Variants in PTCH1 observed in about 807,000 individuals in gnomAD.
PTCH1 encodes protein patched homolog 1.
PTCH1 carries 14 observed loss-of-function variants against 144.6 expected under a neutral mutation model. The ratio of observed to expected loss-of-function variants is 0.10; its 90% CI spans 0.06 to 0.15. The LOEUF is 0.15. Ranked by LOEUF, PTCH1 falls within the 10% of genes least tolerant of loss-of-function variation. The probability of loss-of-function intolerance (pLI) is 1.00; values close to 1 mark genes in which losing one functional copy is unlikely to be tolerated. For missense variants in PTCH1, 1,623 were observed against 1,948.3 expected (o/e 0.83, Z 3.14); for synonymous variants, 833 against 793.6 (o/e 1.05, Z -0.83).
chr9:95,453,972 C>T (rs113798543), intron 19 of PTCH1, among the ~76,000 whole-genome samples: 8 of 152,314 alleles, frequency 5.3e-5, no homozygotes, highest in African/African-American at 1.9e-4. Flanking sequence ...TCCCACAGCA[C>T]AGGATTCTGG....
At chr9:95,486,550 G>C (rs1172525671) in intron 2 of PTCH1, among the ~76,000 whole-genome samples, 2 of 152,246 alleles carry the variant, frequency 1.3e-5, no homozygotes, top group African/African-American at 4.8e-5. Flanking sequence ...AGTCAGCTGG[G>C]GGTGAGCAGC....
In PTCH1 at chr9:95,458,134, A is replaced by G; in HGVS notation, c.3047T>C (p.Leu1016Pro). 1 of 1,614,236 alleles carries G rather than the reference A, an allele frequency of 6.2e-7. No homozygotes were observed. The highest frequency in any genetic ancestry group is 8.5e-7 in the Non-Finnish European group (1 of 1,180,046). ...GAGGCCGATGTACTGCTCCCAGAAG[A>G]GGAAGGGGTAGCCGTTGGGGTAACT... The part of the protein sequence containing the change: ...LSSYPNGYPF[L>P]FWEQYIGLRH... Residue 1016 changes from leucine to proline, a missense_variant, in exon 18 of 24, where the codon CTC becomes CCC. Transcript: ENST00000331920. This position sits in a 1 kb window ranked among gnomAD's most constrained non-coding sequence, Gnocchi z 4.7.
chr9:95,492,095 A>C (rs1842445399), intron 2 of PTCH1, among the ~76,000 whole-genome samples: 2 of 152,202 alleles, frequency 1.3e-5, no homozygotes, highest in South Asian at 2.1e-4. Flanking sequence ...CCTCGCCCCT[A>C]CACAACCCAC....
chr9:95,452,481 A>G (rs1237496515), intron 20 of PTCH1: 1 of 152,214 alleles, frequency 6.6e-6, no homozygotes, highest in Non-Finnish European at 1.5e-5. Context: ...AGCTCCATAA[A>G]GTAGCAGAGT....
In PTCH1 at chr9:95,508,548, G is replaced by A; in HGVS notation, c.-187C>T. ...CGCTGCTGCTGCTCACACGGCGGGCGCTGCTGCCGCTGCGGCCGCGGCCGC... is the reference window on the plus strand; with the variant it reads ...CGCTGCTGCTGCTCACACGGCGGGCACTGCTGCCGCTGCGGCCGCGGCCGC... On this transcript the variant is annotated 5_prime_UTR_variant, in exon 1 of 24. Coordinates refer to ENST00000331920, the MANE Select transcript of PTCH1 (RefSeq NM_000264.5). 6 of 1,007,334 alleles carry A rather than the reference G, an allele frequency of 6.0e-6. No individual in the cohort carries two copies. The highest frequency in any genetic ancestry group is 7.1e-6 in the Non-Finnish European group (6 of 844,352). The allele number at this position is 1,007,334 out of a possible 1,614,324, so 62.4% of individuals were successfully genotyped here.
chr9:95,488,173 G>T (rs1842114215), intron 2 of PTCH1, among the ~76,000 whole-genome samples: 1 of 152,222 alleles, frequency 6.6e-6, no homozygotes, highest in African/African-American at 2.4e-5. Context: ...GATATAAAAT[G>T]TACCTCAGGG....
chr9:95,484,194 A>C (rs1564060956), intron 3 of PTCH1: 1 of 152,234 alleles, frequency 6.6e-6, no homozygotes, highest in Non-Finnish European at 1.5e-5. Context: ...CCCCAGGACA[A>C]CCTGGCTCCC....
At position 95,449,740 on chromosome 9, in the gene PTCH1, CCAG is replaced by C; in HGVS notation, c.3549+98_3549+100del. ...CTCTGAGATGTTTACTGAAGAACCA[CCAG>C]CAAGTGGGGAGGCACCTAAGTATCG... On this transcript the variant is annotated intron_variant, in intron 21 of 23. Transcript: ENST00000331920. This position sits in a 1 kb window ranked among gnomAD's most constrained non-coding sequence, Gnocchi z 5.3. The C allele has an allele frequency of 9.1e-7, 1 of 1,099,258 alleles. No homozygotes were observed. Among genetic ancestry groups the C allele is most frequent in the South Asian group, 1.3e-5 (1 of 76,288 alleles). 68.1% of individuals were successfully genotyped at this position (1,099,258 alleles called of 1,614,324 possible). A position where few individuals can be genotyped will look rare whatever the true frequency, so the allele number is the denominator to read the frequency against.
rs139100790 is a variant in PTCH1, at chr9:95,508,034, TGTGA to T, written c.201+123_201+126del. On this transcript the variant is annotated intron_variant, in intron 1 of 23. Transcript: ENST00000331920. ...TTGTCTGCTGCTTTTCCTGGAGAGG[TGTGA>T]GTGAGTGTGTGTGTGTGTGTGAGAG... 135,601 of 1,519,240 alleles carry T rather than the reference TGTGA, an allele frequency of 0.089. 4,749 individuals are homozygous for T. Among genetic ancestry groups the T allele is most frequent in the African/African-American group, 0.22 (14,788 of 68,202 alleles). 94.1% of individuals were successfully genotyped at this position (1,519,240 alleles called of 1,614,324 possible).
Position 95,458,058 on chromosome 9 carries a change from G to A in PTCH1, c.3123C>T (p.Leu1041=), listed in dbSNP as rs1554691356. 3 of 1,614,172 alleles carry A rather than the reference G, an allele frequency of 1.9e-6. No homozygotes were observed. The highest frequency in any genetic ancestry group is 1.7e-6 in the Non-Finnish European group (2 of 1,180,026). Reference sequence around the variant, plus strand: ...GGTTCAGAAGGAAGACAGCGCACACGAGGAATGTGCAGGCCAACACCACGC... The same window carrying A: ...GGTTCAGAAGGAAGACAGCGCACACAAGGAATGTGCAGGCCAACACCACGC... The part of the protein sequence containing the change: ...FISVVLACTF[L]VCAVFLLNPW... Residue 1041 remains leucine (L), a synonymous_variant, in exon 18 of 24, where the codon CTC becomes CTT. Coordinates refer to ENST00000331920, the MANE Select transcript of PTCH1 (RefSeq NM_000264.5). This position sits in a 1 kb window ranked among gnomAD's most constrained non-coding sequence, Gnocchi z 4.7.
rs771991404 is a variant in PTCH1, at chr9:95,476,019, T to C, written c.1728+15A>G. On this transcript the variant is annotated intron_variant, in intron 12 of 23. Coordinates refer to ENST00000331920, the MANE Select transcript of PTCH1 (RefSeq NM_000264.5). The surrounding 1 kb of genome is among the most constrained non-coding windows in gnomAD (Gnocchi z 4.6). Reference sequence around the variant, plus strand: ...CCGTTCAGGATCACCACAGCCTTCATCACCAGAAGCTCACCTGGAGGGAGA... The same window carrying C: ...CCGTTCAGGATCACCACAGCCTTCACCACCAGAAGCTCACCTGGAGGGAGA... The C allele has an allele frequency of 1.2e-6, 2 of 1,613,222 alleles. No individual in the cohort carries two copies. The highest frequency in any genetic ancestry group is 1.3e-5 in the African/African-American group (1 of 74,892).
At position 95,461,689 on chromosome 9, in the gene PTCH1, C is replaced by T. The variant is rs527668926; in HGVS notation, c.2703+167G>A. On this transcript the variant is annotated intron_variant, in intron 16 of 23. Coordinates refer to ENST00000331920, the MANE Select transcript of PTCH1 (RefSeq NM_000264.5). ...GGCTGGCCTGAGGTCACACAATTAG[C>T]TGGTGGGAGGAGGTGAATTAGAGTC... Among the ~76,000 whole-genome samples the T allele has an allele frequency of 2.0e-5, 3 of 152,332 alleles. No individual in the cohort carries two copies. In the South Asian group the frequency reaches 6.2e-4, roughly 32 times the overall value.
intron 20 of PTCH1, chr9:95,450,710 C>T (rs1265508736): frequency 6.5e-6 from 1 of 152,710 alleles, no homozygotes; most frequent in Non-Finnish European, 1.5e-5. Flanking sequence ...AACAATTTAG[C>T]ATCTCTGAAT....
intron 19 of PTCH1, among the ~76,000 whole-genome samples, chr9:95,455,529 T>C (rs1838835234): frequency 6.6e-6 from 1 of 152,236 alleles, no homozygotes; most frequent in Non-Finnish European, 1.5e-5. Context: ...GTTGTGATGT[T>C]TTGGATAATT....
At chr9:95,500,775 T>C (rs569378817) in intron 2 of PTCH1, among the ~76,000 whole-genome samples, 3 of 152,316 alleles carry the variant, frequency 2.0e-5, no homozygotes, top group Admixed American at 2.0e-4. Flanking sequence ...GTTATTTCAA[T>C]ATGCACAAAG....
rs547930654 is a variant in PTCH1 at position 95,506,597 on chromosome 9, C to A, written c.204G>T (p.Gly68=). 4 of 1,610,944 alleles carry A rather than the reference C, an allele frequency of 2.5e-6. No individual in the cohort carries two copies. Among genetic ancestry groups the A allele is most frequent in the East Asian group, 2.2e-5 (1 of 44,682 alleles). ...AAFALEQISK[G]KATGRKAPLW... ...GCGGCGCTTTCCGGCCAGTAGCCTT[C>A]CCCTGGGGACGAAGCAGAAGGGAGG... The change falls in exon 2 of 24, where the codon GGG becomes GGT. Residue 68 remains glycine (G), a splice_region_variant and synonymous_variant. Transcript: ENST00000331920.
At position 95,449,047 on chromosome 9, in the gene PTCH1, CT is replaced by C. The variant is rs772595364; in HGVS notation, c.3804+21del. 1.9e-6 allele frequency: 3 copies of C among 1,613,438 alleles called. No homozygotes were observed. The highest frequency in any genetic ancestry group is 3.3e-5 in the Admixed American group (2 of 60,016). On this transcript the variant is annotated intron_variant, in intron 22 of 23. Transcript: ENST00000331920. This position sits in a 1 kb window ranked among gnomAD's most constrained non-coding sequence, Gnocchi z 5.3. ...TACCACGGTGGGAAGACCCCTCCCC[CT>C]GGTTCTGCAGAGTCACTTACAGTGG...
At chr9:95,479,848 G>A (rs1407698989) in intron 7 of PTCH1, 121 bp downstream of exon 7, 2 of 1,505,706 alleles carry the variant, frequency 1.3e-6, no homozygotes, top group Non-Finnish European at 1.8e-6. Context: ...ACGCCACCTG[G>A]CTAGCGAGGA....
chr9:95,463,986 G>T (rs141651466), intron 15 of PTCH1, among the ~76,000 whole-genome samples: 7 of 152,150 alleles, frequency 4.6e-5, no homozygotes, highest in African/African-American at 1.7e-4. Flanking sequence ...ATCTGGGGGC[G>T]GTTTTATGAT....
Sources: allele counts gnomAD v4.1 joint callset (sites outside exome capture counted in the v4.1 genomes callset), GRCh38; gene constraint gnomAD v4.1.1; non-coding constraint Gnocchi (gnomAD v3.1); transcripts MANE v1.5; gene names NCBI Gene and HGNC (gene_info 2026-07-23, HGNC 2026-07-21).